ADGRV1: variants seen among roughly 807,000 people sequenced by gnomAD.
ADGRV1 encodes adhesion G protein-coupled receptor V1, also known as G-protein coupled receptor 98.
In ADGRV1, 359 loss-of-function variants were observed where a neutral mutation model predicts 596.2. The ratio of observed to expected loss-of-function variants is 0.60; its 90% CI spans 0.55 to 0.66. The LOEUF (loss-of-function observed/expected upper bound fraction) is 0.66, where lower values mean the gene tolerates loss of function less well. Ranked by LOEUF, ADGRV1 falls within the 30% of genes least tolerant of loss-of-function variation. The pLI is 0.00. For synonymous variants in ADGRV1, 2,681 were observed against 2,679.2 expected (o/e 1.00, Z -0.02); for missense variants, 7,274 against 7,575.6 (o/e 0.96, Z 1.48).
chr5:90,702,314 T>G (rs1203684707), intron 34 of ADGRV1, among the ~76,000 whole-genome samples: 3 of 151,952 alleles, frequency 2.0e-5, no homozygotes, highest in African/African-American at 7.2e-5. Flanking sequence ...ATTCCTGTGC[T>G]TTTAAAAGAT....
intron 83 of ADGRV1, among the ~76,000 whole-genome samples, chr5:90,911,779 T>A (rs150685373): frequency 1.5e-3 from 228 of 152,302 alleles, no homozygotes; most frequent in Middle Eastern, 6.8e-3. Context: ...GATTATAAGC[T>A]TTTGGAATCA....
At chr5:90,904,665 T>A (rs1335409529) in intron 83 of ADGRV1, among the ~76,000 whole-genome samples, 1 of 152,042 alleles carries the variant, frequency 6.6e-6, no homozygotes, top group Non-Finnish European at 1.5e-5. Context: ...AGATGGGCAA[T>A]TTTCTTCCAT....
In ADGRV1 at chr5:91,007,174, T is replaced by G. The variant is rs532962982; in HGVS notation, c.18152+21652T>G. 3.3e-5 allele frequency among the ~76,000 whole-genome samples: 5 copies of G among 152,312 alleles called. No homozygotes were observed. The South Asian group carries it at 1.0e-3, about 32-fold the overall frequency. On this transcript the variant is annotated intron_variant, in intron 85 of 89. Transcript: ENST00000405460. ...AAACTTAACAAAAAATCTTCACCAG[T>G]TGAACATATTGCTGGGGCCACTCCT...
At chr5:90,756,308 T>A in intron 55 of ADGRV1, 146 bp from the exon 56 acceptor site, 1 of 527,096 alleles carries the variant, frequency 1.9e-6, no homozygotes, top group East Asian at 2.9e-5. Context: ...TATTAAAATA[T>A]AACAAGAATC....
intron 83 of ADGRV1, among the ~76,000 whole-genome samples, chr5:90,959,588 T>C (rs1777790643): frequency 6.6e-6 from 1 of 152,142 alleles, no homozygotes; most frequent in African/African-American, 2.4e-5. Context: ...GATGATGTAG[T>C]ATTGGTGTAA....
intron 87 of ADGRV1, among the ~76,000 whole-genome samples, chr5:91,106,836 C>T (rs1295240309): frequency 1.3e-5 from 2 of 152,082 alleles, no homozygotes; most frequent in Non-Finnish European, 2.9e-5. Context: ...CAACTGGGTA[C>T]AGAGATAAGG....
At chr5:90,999,143 A>G (rs1000626534) in intron 85 of ADGRV1, among the ~76,000 whole-genome samples, 5 of 151,868 alleles carry the variant, frequency 3.3e-5, no homozygotes, top group African/African-American at 7.2e-5. Context: ...GAGGTGGGCT[A>G]TATTATAGCT....
intron 1 of ADGRV1, among the ~76,000 whole-genome samples, chr5:90,579,819 G>T (rs775207852): frequency 9.2e-5 from 14 of 152,182 alleles, no homozygotes; most frequent in Non-Finnish European, 1.6e-4. Context: ...ATTTAGTATA[G>T]TTAGTTCTTC....
At chr5:90,796,592 G>A (rs901494309) in intron 70 of ADGRV1, among the ~76,000 whole-genome samples, 9 of 152,238 alleles carry the variant, frequency 5.9e-5, no homozygotes, top group Middle Eastern at 3.4e-3. Context: ...AGCAAGACTG[G>A]CCAACATTCA....
At position 90,785,257 on chromosome 5, in the gene ADGRV1, A is replaced by G. The variant is rs1020819713; in HGVS notation, c.13653+1200A>G. Among the ~76,000 whole-genome samples, 7 of 152,254 alleles carry G rather than the reference A, an allele frequency of 4.6e-5. No homozygotes were observed. In the South Asian group the frequency reaches 6.2e-4, roughly 14 times the overall value. Reference sequence around the variant, plus strand: ...TACACCTTAGACAAAAATTAATTCAAGATGGATTAAAGACTTAAATGTTAG... The same window carrying G: ...TACACCTTAGACAAAAATTAATTCAGGATGGATTAAAGACTTAAATGTTAG... On this transcript the variant is annotated intron_variant, in intron 67 of 89. Coordinates refer to ENST00000405460, the MANE Select transcript of ADGRV1 (RefSeq NM_032119.4).
chr5:90,995,575 C>T (rs1285278464), intron 85 of ADGRV1, among the ~76,000 whole-genome samples: 1 of 152,056 alleles, frequency 6.6e-6, no homozygotes, highest in Non-Finnish European at 1.5e-5. Context: ...AAAATTGGTA[C>T]CTGGAGTGGG....
At chr5:90,993,767 A>C (rs1327911657) in intron 85 of ADGRV1, among the ~76,000 whole-genome samples, 3 of 151,898 alleles carry the variant, frequency 2.0e-5, no homozygotes, top group Non-Finnish European at 4.4e-5. Flanking sequence ...GGATGTGTGG[A>C]TTAATGTTTT....
At position 90,588,588 on chromosome 5, in the gene ADGRV1, G is replaced by C. The variant is rs566934398; in HGVS notation, c.23-26247G>C. On this transcript the variant is annotated intron_variant, in intron 1 of 89. Transcript: ENST00000405460. ...ACGTAGAGGTCAGAAAGAAGGCAAG[G>C]GTTCAGCAAAGGAGGCAGAGGGGCT... is the stretch of plus-strand genomic sequence containing the variant. Among the ~76,000 whole-genome samples the C allele has an allele frequency of 4.6e-5, 7 of 152,330 alleles. No homozygotes were observed. The East Asian group carries it at 1.2e-3, about 25-fold the overall frequency.
rs1761515196 is a variant in ADGRV1, at chr5:90,802,816, G to A, written c.14595G>A (p.Met4865Ile). 1 of 1,612,258 alleles carries A rather than the reference G, an allele frequency of 6.2e-7. No homozygotes were observed. The highest frequency in any genetic ancestry group is 1.7e-5 in the Admixed American group (1 of 59,860). ...VMLVGGRFYG[M>I]PTILQEAKSA... ...TTGTCGGTGGACGTTTCTATGGAAT[G>A]CCAACAATTCTTCAGGAAGCAAAAT... is the stretch of plus-strand genomic sequence containing the variant. The change falls in exon 71 of 90, where the codon ATG becomes ATA. Residue 4865 changes from methionine to isoleucine, a missense_variant. Coordinates refer to ENST00000405460, the MANE Select transcript of ADGRV1 (RefSeq NM_032119.4).
chr5:90,826,517 G>A (rs962627148), intron 76 of ADGRV1, among the ~76,000 whole-genome samples: 21 of 152,242 alleles, frequency 1.4e-4, no homozygotes, highest in Admixed American at 1.1e-3. Flanking sequence ...CAGGTTTAAC[G>A]GGGTTAATAA....
intron 85 of ADGRV1, among the ~76,000 whole-genome samples, chr5:91,071,106 C>T (rs576116196): frequency 6.6e-6 from 1 of 152,078 alleles, no homozygotes; most frequent in South Asian, 2.1e-4. Flanking sequence ...GAAGAAAACT[C>T]CAAATGGAGA....
chr5:90,786,364 C>T (rs1278306662), intron 67 of ADGRV1, among the ~76,000 whole-genome samples: 2 of 152,230 alleles, frequency 1.3e-5, no homozygotes, highest in Admixed American at 6.5e-5. Flanking sequence ...CAAACCTGCA[C>T]GTTGTGCACA....
chr5:90,935,431 G>T (rs6867530), intron 83 of ADGRV1, among the ~76,000 whole-genome samples: 63,273 of 151,694 alleles, frequency 0.42, 14,719 homozygotes, highest in Non-Finnish European at 0.53. Context: ...TCCAGCTTCC[G>T]CACCTCCTAG....
Position 90,690,079 on chromosome 5 carries a change from A to G in ADGRV1, c.6706+3A>G. 1 of 1,474,408 alleles carries G rather than the reference A, an allele frequency of 6.8e-7. No individual in the cohort carries two copies. 91.3% of individuals were successfully genotyped at this position (1,474,408 alleles called of 1,614,324 possible). On this transcript the variant is annotated splice_donor_region_variant and intron_variant, in intron 30 of 89. Transcript: ENST00000405460. ...TGATGACCCCTATGGATTATTTGGT[A>G]TGAAGACTAATTTATGTCTCTCTTT... is the stretch of plus-strand genomic sequence containing the variant.
Sources: gnomAD v4.1 joint callset for allele counts (sites outside exome capture counted in the v4.1 genomes callset) on GRCh38, gnomAD v4.1.1 for gene constraint, MANE v1.5 for transcripts, NCBI Gene and HGNC (gene_info 2026-07-23, HGNC 2026-07-21) for gene names.